GFRAL: variants seen among roughly 807,000 people sequenced by gnomAD.
The protein encoded by GFRAL is GDNF family receptor alpha like.
A neutral mutation model predicts 45.4 loss-of-function variants in GFRAL; 36 were observed. The observed-to-expected ratio is 0.79, with a 90% CI of 0.61 to 1.05. GFRAL has a LOEUF of 1.05. Ranked by LOEUF, GFRAL falls within the 50% of genes least tolerant of loss-of-function variation. GFRAL has a pLI of 0.00. For missense variants in GFRAL, 507 were observed against 467.5 expected, an observed-to-expected ratio of 1.08 and a Z score of -0.78; for synonymous variants, 166 against 154.1, an observed-to-expected ratio of 1.08 and a Z score of -0.57.
chr6:55,398,046 A>G (rs1439314964), intron 6 of GFRAL, among the ~76,000 whole-genome samples: 1 of 152,216 alleles, frequency 6.6e-6, no homozygotes, highest in African/African-American at 2.4e-5. Flanking sequence ...GTGGTAGGCT[A>G]TACCACCCAG....
chr6:55,351,711 C>A, intron 5 of GFRAL, 128 bp downstream of exon 5: 1 of 607,558 alleles, frequency 1.6e-6, no homozygotes. Flanking sequence ...TAAATAAAAC[C>A]AGACAATTAA....
At chr6:55,363,538 T>A (rs1307039974) in intron 6 of GFRAL, among the ~76,000 whole-genome samples, 1 of 149,734 alleles carries the variant, frequency 6.7e-6, no homozygotes, top group Non-Finnish European at 1.5e-5. Flanking sequence ...CTGAACCCAC[T>A]AAATCGTCAT....
intron 3 of GFRAL, among the ~76,000 whole-genome samples, chr6:55,337,807 T>C (rs1274825939): frequency 1.3e-5 from 2 of 152,186 alleles, no homozygotes; most frequent in Non-Finnish European, 2.9e-5. Flanking sequence ...TATTGATAAT[T>C]TGTATAATTT....
intron 1 of GFRAL, among the ~76,000 whole-genome samples, chr6:55,329,606 T>C (rs1244284869): frequency 6.6e-6 from 1 of 152,144 alleles, no homozygotes; most frequent in Non-Finnish European, 1.5e-5. Context: ...GTCCTCTTTT[T>C]CTTTCTTTGG....
chr6:55,335,303 T>C (rs1053674410), intron 3 of GFRAL, among the ~76,000 whole-genome samples: 1 of 152,224 alleles, frequency 6.6e-6, no homozygotes, highest in African/African-American at 2.4e-5. Flanking sequence ...GTTTTGTCCA[T>C]TTTAAAATTG....
intron 6 of GFRAL, among the ~76,000 whole-genome samples, chr6:55,362,638 C>T (rs1040281003): frequency 1.3e-5 from 2 of 151,950 alleles, no homozygotes; most frequent in Admixed American, 6.6e-5. Flanking sequence ...ACCATCAACA[C>T]GGGAAGGATT....
In GFRAL at chr6:55,401,857, A is replaced by G. The variant is rs371673698; in HGVS notation, c.*4A>G. On this transcript the variant is annotated 3_prime_UTR_variant, in exon 9 of 9. Coordinates refer to ENST00000340465, the MANE Select transcript of GFRAL (RefSeq NM_207410.2). ...CCAAATACCTGGAGAACTCTGATTC[A>G]TTAGGAGTCATGGACCTATAACAAT... is the stretch of plus-strand genomic sequence containing the variant. 79 of 1,439,290 alleles carry G rather than the reference A, an allele frequency of 5.5e-5. No individual in the cohort carries two copies. The highest frequency in any genetic ancestry group is 7.5e-5 in the Non-Finnish European group (77 of 1,020,036). 89.2% of individuals were successfully genotyped at this position (1,439,290 alleles called of 1,614,324 possible).
intron 6 of GFRAL, among the ~76,000 whole-genome samples, chr6:55,382,556 C>T (rs949090471): frequency 2.0e-5 from 3 of 151,766 alleles, no homozygotes; most frequent in African/African-American, 4.8e-5. Flanking sequence ...ATAAATAGTG[C>T]CCCTTCTTCC....
At chr6:55,346,519 A>T (rs1768043945) in intron 3 of GFRAL, among the ~76,000 whole-genome samples, 1 of 152,090 alleles carries the variant, frequency 6.6e-6, no homozygotes. Flanking sequence ...AGGGAGGGGA[A>T]CATCACACAC....
chr6:55,376,520 G>T (rs1333916825), intron 6 of GFRAL, among the ~76,000 whole-genome samples: 1 of 151,906 alleles, frequency 6.6e-6, no homozygotes, highest in African/African-American at 2.4e-5. Flanking sequence ...CTCAATTTCA[G>T]AACTCATTAT....
intron 5 of GFRAL, among the ~76,000 whole-genome samples, chr6:55,353,763 A>G (rs1768150442): frequency 6.6e-6 from 1 of 152,100 alleles, no homozygotes; most frequent in African/African-American, 2.4e-5. Context: ...CATTTGTCAT[A>G]ATTTAAGTTC....
At chr6:55,338,661 G>A (rs1278922255) in intron 3 of GFRAL, among the ~76,000 whole-genome samples, 1 of 152,098 alleles carries the variant, frequency 6.6e-6, no homozygotes, top group African/African-American at 2.4e-5. Context: ...TGTTAGACTT[G>A]GGCCTTTTAG....
At chr6:55,373,397 T>A (rs1240176783) in intron 6 of GFRAL, among the ~76,000 whole-genome samples, 1 of 152,194 alleles carries the variant, frequency 6.6e-6, no homozygotes, top group African/African-American at 2.4e-5. Context: ...AAAGTTGTTT[T>A]AAAGTTTAAC....
chr6:55,388,240 T>C (rs1768704622), intron 6 of GFRAL, among the ~76,000 whole-genome samples: 1 of 152,106 alleles, frequency 6.6e-6, no homozygotes, highest in Admixed American at 6.5e-5. Context: ...CAAAAAAAAC[T>C]CAGTTGCAAA....
chr6:55,367,872 A>T (rs1264826271), intron 6 of GFRAL, among the ~76,000 whole-genome samples: 2 of 151,706 alleles, frequency 1.3e-5, no homozygotes, highest in African/African-American at 4.8e-5. Flanking sequence ...GCTGCCCTTA[A>T]CATTTTTTCC....
At chr6:55,336,133 G>A (rs992026465) in intron 3 of GFRAL, among the ~76,000 whole-genome samples, 5 of 152,058 alleles carry the variant, frequency 3.3e-5, no homozygotes, top group African/African-American at 4.8e-5. Flanking sequence ...TAGTAGAAAC[G>A]GGTTTTCGCC....
chr6:55,330,983 GA>G (rs1175059269), intron 1 of GFRAL, among the ~76,000 whole-genome samples: 1 of 152,150 alleles, frequency 6.6e-6, no homozygotes, highest in Non-Finnish European at 1.5e-5. Flanking sequence ...CATTGTGAAT[GA>G]AGTAGTGGTC....
At chr6:55,339,164 AT>A (rs775777732) in intron 3 of GFRAL, among the ~76,000 whole-genome samples, 22 of 152,188 alleles carry the variant, frequency 1.4e-4, no homozygotes, top group Admixed American at 4.6e-4. Flanking sequence ...GGAATTTAAA[AT>A]GTATTAAGCG....
In GFRAL at chr6:55,327,524, T is replaced by C. The variant is rs765958106; in HGVS notation, c.-31T>C. 7 of 1,612,162 alleles carry C rather than the reference T, an allele frequency of 4.3e-6. No individual in the cohort carries two copies. The South Asian group carries it at 4.4e-5, about 10-fold the overall frequency. On this transcript the variant is annotated 5_prime_UTR_variant, in exon 1 of 9. Coordinates refer to ENST00000340465, the MANE Select transcript of GFRAL (RefSeq NM_207410.2). The stretch of plus-strand genomic sequence containing the variant: ...GTCAGAAGAAACGCATCTGCCTTTT[T>C]TTCCAGGTGAACTGCCGTGAGTTGT...
Sources: gnomAD v4.1 joint callset for allele counts (sites outside exome capture counted in the v4.1 genomes callset) on GRCh38, gnomAD v4.1.1 for gene constraint, MANE v1.5 for transcripts, NCBI Gene and HGNC (gene_info 2026-07-23, HGNC 2026-07-21) for gene names.